Variants in GALNT7 observed in about 807,000 individuals in gnomAD.
GALNT7 encodes the protein N-acetylgalactosaminyltransferase 7.
A neutral mutation model predicts 82.1 loss-of-function variants in GALNT7; 60 were observed. The ratio of observed to expected loss-of-function variants is 0.73; its 90% confidence interval spans 0.59 to 0.91. The LOEUF (loss-of-function observed/expected upper bound fraction) is 0.91, where lower values mean the gene tolerates loss of function less well. Among genes scored for constraint, GALNT7 ranks in the 40% least tolerant of loss-of-function variants. The probability of loss-of-function intolerance (pLI) is 0.00; values close to 1 mark genes in which losing one functional copy is unlikely to be tolerated. For synonymous variants in GALNT7, 243 were observed against 275.1 expected (o/e 0.88, Z 1.15); for missense variants, 660 against 804.2 (o/e 0.82, Z 2.17).
At chr4:173,294,045 C>T (rs1451309414) in intron 3 of GALNT7, among the ~76,000 whole-genome samples, 3 of 152,188 alleles carry the variant, frequency 2.0e-5, no homozygotes, top group African/African-American at 4.8e-5. Flanking sequence ...CACAGTGTAC[C>T]ACAGTGTGAA....
intron 1 of GALNT7, among the ~76,000 whole-genome samples, chr4:173,203,607 T>C (rs1733007225): frequency 6.6e-6 from 1 of 152,238 alleles, no homozygotes; most frequent in African/African-American, 2.4e-5. Flanking sequence ...TGATTCCTTA[T>C]GATTTAAATT....
chr4:173,220,468 A>G (rs564972446), intron 1 of GALNT7, among the ~76,000 whole-genome samples: 1 of 152,218 alleles, frequency 6.6e-6, no homozygotes, highest in East Asian at 1.9e-4. Context: ...TGCATTGGCT[A>G]TGCGAGCTCT....
intron 1 of GALNT7, 70 bp downstream of exon 1, chr4:173,169,031 G>T (rs1002486366): frequency 6.6e-7 from 1 of 1,507,676 alleles, no homozygotes; most frequent in African/African-American, 1.4e-5. Flanking sequence ...GCGTGTGGAG[G>T]GAGCAGGGGC....
At chr4:173,229,634 TTTCTTA>T (rs1733958537) in intron 1 of GALNT7, among the ~76,000 whole-genome samples, 1 of 152,136 alleles carries the variant, frequency 6.6e-6, no homozygotes, top group South Asian at 2.1e-4. Context: ...GTGCCTCTGA[TTTCTTA>T]ACTGTAAAAT....
chr4:173,304,785 C>T (rs1737085073), intron 8 of GALNT7, among the ~76,000 whole-genome samples: 1 of 151,852 alleles, frequency 6.6e-6, no homozygotes, highest in Non-Finnish European at 1.5e-5. Flanking sequence ...CAGTGTTTGT[C>T]TTTCTGTGCC....
intron 2 of GALNT7, among the ~76,000 whole-genome samples, chr4:173,251,208 C>T (rs11931487): frequency 0.057 from 8,727 of 152,204 alleles, 463 homozygotes; most frequent in African/African-American, 0.14. Flanking sequence ...GGGTTCAAAC[C>T]TTGATGCCAT....
chr4:173,292,364 A>G lies in GALNT7; in HGVS notation c.754+90A>G. On this transcript the variant is annotated intron_variant, in intron 3 of 11. Coordinates refer to ENST00000265000, the MANE Select transcript of GALNT7 (RefSeq NM_017423.3). The surrounding 1 kb of genome is among the most constrained non-coding windows in gnomAD (Gnocchi z 4.8). ...TGATTTCAAAATAATTAGCTTTAAA[A>G]AATTAATAGCATCTATTGATAGCAT... 1 of 757,070 alleles carries G rather than the reference A, an allele frequency of 1.3e-6. No homozygotes were observed. Among genetic ancestry groups the G allele is most frequent in the Non-Finnish European group, 2.2e-6 (1 of 464,080 alleles). 46.9% of individuals were successfully genotyped at this position (757,070 alleles called of 1,614,324 possible).
At chr4:173,216,983 G>A (rs1049946452) in intron 1 of GALNT7, among the ~76,000 whole-genome samples, 4 of 151,254 alleles carry the variant, frequency 2.6e-5, no homozygotes, top group South Asian at 2.1e-4. Flanking sequence ...CGCCTGCCTC[G>A]GCCTCCCAAA....
In GALNT7 at chr4:173,223,144, TG is replaced by T. The variant is rs542058713; in HGVS notation, c.127-24835del. On this transcript the variant is annotated intron_variant, in intron 1 of 11. Transcript: ENST00000265000. ...AAAGATGAGCCCTTCAAAAGCTGCC[TG>T]ATAAGTGAGTGCAAGAATTATAACC... Among the ~76,000 whole-genome samples the T allele has an allele frequency of 1.7e-3, 258 of 152,296 alleles. No homozygotes were observed. In the Middle Eastern group the frequency reaches 0.02, roughly 12 times the overall value.
chr4:173,229,682 G>T (rs918709924), intron 1 of GALNT7, among the ~76,000 whole-genome samples: 1 of 152,160 alleles, frequency 6.6e-6, no homozygotes, highest in African/African-American at 2.4e-5. Flanking sequence ...TCAAAGAGTT[G>T]TTGCAGGAAT....
intron 2 of GALNT7, among the ~76,000 whole-genome samples, chr4:173,281,637 C>T (rs1337090859): frequency 6.6e-6 from 1 of 152,176 alleles, no homozygotes; most frequent in African/African-American, 2.4e-5. Context: ...TGCCCAAGTA[C>T]ACTTCAGCAT....
chr4:173,192,386 A>G (rs1416689575), intron 1 of GALNT7, among the ~76,000 whole-genome samples: 1 of 149,964 alleles, frequency 6.7e-6, no homozygotes, highest in Non-Finnish European at 1.5e-5. Flanking sequence ...AGTTCCTTTA[A>G]AAAAAAATAC....
intron 1 of GALNT7, among the ~76,000 whole-genome samples, chr4:173,245,650 T>G (rs1045980608): frequency 1.3e-5 from 2 of 152,206 alleles, no homozygotes; most frequent in African/African-American, 4.8e-5. Flanking sequence ...GTTACAACAT[T>G]TTATAATGAT....
At chr4:173,265,639 C>A (rs1030233366) in intron 2 of GALNT7, among the ~76,000 whole-genome samples, 3 of 142,952 alleles carry the variant, frequency 2.1e-5, no homozygotes, top group Admixed American at 2.1e-4. Context: ...CTCTCCACCC[C>A]CAAGACCCCC....
intron 1 of GALNT7, among the ~76,000 whole-genome samples, chr4:173,236,237 G>C (rs1007966536): frequency 6.6e-6 from 1 of 152,200 alleles, no homozygotes; most frequent in East Asian, 1.9e-4. Context: ...TTGTCTATCA[G>C]AGAGCTGGCG....
At chr4:173,212,469 T>C (rs150277118) in intron 1 of GALNT7, among the ~76,000 whole-genome samples, 1 of 152,284 alleles carries the variant, frequency 6.6e-6, no homozygotes, top group African/African-American at 2.4e-5. Flanking sequence ...TATATGACAC[T>C]CACTTGAAAG....
chr4:173,250,149 A>C (rs960929116), intron 2 of GALNT7, among the ~76,000 whole-genome samples: 4 of 152,224 alleles, frequency 2.6e-5, no homozygotes, highest in African/African-American at 9.6e-5. Context: ...CAAAACTGTG[A>C]GTCGCCCCTA....
At chr4:173,255,774 G>A (rs931467173) in intron 2 of GALNT7, among the ~76,000 whole-genome samples, 7 of 152,244 alleles carry the variant, frequency 4.6e-5, no homozygotes, top group East Asian at 3.9e-4. Context: ...AGTTCCTTCC[G>A]AAAGACAGCC....
intron 1 of GALNT7, among the ~76,000 whole-genome samples, chr4:173,231,641 T>C (rs1017882634): frequency 6.6e-6 from 1 of 152,226 alleles, no homozygotes; most frequent in Non-Finnish European, 1.5e-5. Flanking sequence ...TACTTAACGG[T>C]GTCTAGTAGT....
Sources: allele counts gnomAD v4.1 joint callset (sites outside exome capture counted in the v4.1 genomes callset), GRCh38; gene constraint gnomAD v4.1.1; non-coding constraint Gnocchi (gnomAD v3.1); transcripts MANE v1.5; gene names NCBI Gene and HGNC (gene_info 2026-07-23, HGNC 2026-07-21).